The following RPS6KC1 variants were observed in gnomAD, a reference collection of about 807,000 sequenced individuals.
RPS6KC1 encodes ribosomal protein S6 kinase C1.
A neutral mutation model predicts 103.8 loss-of-function variants in RPS6KC1; 54 were observed. The ratio of observed to expected loss-of-function variants is 0.52; its 90% CI spans 0.42 to 0.65. RPS6KC1 has a LOEUF of 0.65. RPS6KC1 is among the 30% of genes least tolerant of loss of function. The pLI, the probability that RPS6KC1 is intolerant of heterozygous loss-of-function variation, is 0.00. For synonymous variants in RPS6KC1, 439 were observed against 438.7 expected, an observed-to-expected ratio of 1.00 and a Z score of -0.01; for missense variants, 1,151 against 1,253.8, an observed-to-expected ratio of 0.92 and a Z score of 1.24.
At chr1:213,210,429 G>A (rs140476544) in intron 8 of RPS6KC1, among the ~76,000 whole-genome samples, 49 of 152,270 alleles carry the variant, frequency 3.2e-4, no homozygotes, top group South Asian at 2.9e-3. Context: ...TACACTTGAA[G>A]CATCAGAGCA....
the RPS6KC1 span, among the ~76,000 whole-genome samples, chr1:213,492,838 C>A: frequency 6.6e-6 from 1 of 152,158 alleles, no homozygotes; most frequent in African/African-American, 2.4e-5. Flanking sequence ...CCTGGGAGAC[C>A]ATTTTGTGTC....
the RPS6KC1 span, among the ~76,000 whole-genome samples, chr1:213,448,225 CAAAAA>C: frequency 2.6e-5 from 2 of 75,818 alleles, no homozygotes; most frequent in Non-Finnish European, 4.7e-5. Context: ...GTGAGACTGT[CAAAAA>C]AAAAAAAAAA....
the RPS6KC1 span, among the ~76,000 whole-genome samples, chr1:213,858,231 A>G: frequency 6.6e-6 from 1 of 152,240 alleles, no homozygotes; most frequent in Non-Finnish European, 1.5e-5. Context: ...CTCCATTGTC[A>G]TAACAACTGT....
chr1:213,623,239 A>G, the RPS6KC1 span, among the ~76,000 whole-genome samples: 1 of 152,348 alleles, frequency 6.6e-6, no homozygotes, highest in Admixed American at 6.5e-5. Flanking sequence ...TTTCAGACAC[A>G]TCAATCAGTC....
chr1:213,765,812 AC>A, the RPS6KC1 span, among the ~76,000 whole-genome samples: 1 of 152,060 alleles, frequency 6.6e-6, no homozygotes, highest in Non-Finnish European at 1.5e-5. Flanking sequence ...CCTATCACCA[AC>A]TTTTAGAAAC....
the RPS6KC1 span, among the ~76,000 whole-genome samples, chr1:213,450,941 C>T: frequency 6.6e-6 from 1 of 152,016 alleles, no homozygotes; most frequent in Non-Finnish European, 1.5e-5. Flanking sequence ...TGCCATTGCA[C>T]TCCAGCCTGG....
chr1:213,412,623 G>A, the RPS6KC1 span, among the ~76,000 whole-genome samples: 3 of 152,230 alleles, frequency 2.0e-5, no homozygotes, highest in Non-Finnish European at 4.4e-5. Context: ...TGTAGTCTTG[G>A]CCAGTTTGAT....
At chr1:213,568,730 T>G in the RPS6KC1 span, among the ~76,000 whole-genome samples, 4 of 152,202 alleles carry the variant, frequency 2.6e-5, no homozygotes, top group Non-Finnish European at 5.9e-5. Flanking sequence ...TGTTACATGT[T>G]AGCAAATAAT....
chr1:213,542,902 T>A, the RPS6KC1 span, among the ~76,000 whole-genome samples: 1 of 152,004 alleles, frequency 6.6e-6, no homozygotes, highest in Admixed American at 6.6e-5. Context: ...AAATTTCAGG[T>A]GAGGAGAGGG....
the RPS6KC1 span, among the ~76,000 whole-genome samples, chr1:213,657,907 C>A: frequency 1.3e-5 from 2 of 152,144 alleles, no homozygotes; most frequent in African/African-American, 2.4e-5. Flanking sequence ...TTTTCTATGG[C>A]CCTGCCTTGG....
chr1:213,080,434 C>T (rs1032170231), intron 3 of RPS6KC1, among the ~76,000 whole-genome samples: 22 of 152,294 alleles, frequency 1.4e-4, no homozygotes, highest in Middle Eastern at 3.4e-3. Flanking sequence ...CAGCTCTCTT[C>T]ACCACTTAAC....
chr1:213,405,362 T>C, the RPS6KC1 span, among the ~76,000 whole-genome samples: 3 of 152,164 alleles, frequency 2.0e-5, no homozygotes, highest in Non-Finnish European at 2.9e-5. Flanking sequence ...GCCGCTGCCA[T>C]TGGAGAGAAG....
At chr1:213,377,054 A>G in the RPS6KC1 span, among the ~76,000 whole-genome samples, 1 of 152,290 alleles carries the variant, frequency 6.6e-6, no homozygotes, top group South Asian at 2.1e-4. Flanking sequence ...CTGGGAAGGT[A>G]AGTCTGGGAA....
chr1:213,673,534 T>C, the RPS6KC1 span, among the ~76,000 whole-genome samples: 2 of 152,184 alleles, frequency 1.3e-5, no homozygotes, highest in Admixed American at 1.3e-4. Flanking sequence ...GAGCATGAAA[T>C]AAGTGTTCCC....
the RPS6KC1 span, among the ~76,000 whole-genome samples, chr1:213,827,169 T>C: frequency 3.3e-5 from 5 of 152,144 alleles, no homozygotes; most frequent in Non-Finnish European, 7.4e-5. Flanking sequence ...ATAGTTTTTC[T>C]TAGACTCCCA....
chr1:213,324,359 A>G, the RPS6KC1 span, among the ~76,000 whole-genome samples: 1 of 152,196 alleles, frequency 6.6e-6, no homozygotes, highest in African/African-American at 2.4e-5. Context: ...AATTCTTACC[A>G]TATCTTATTG....
At chr1:213,242,491 A>C in intron 11 of RPS6KC1, 78 bp from the exon 12 acceptor site, 4 of 1,227,620 alleles carry the variant, frequency 3.3e-6, no homozygotes, top group South Asian at 1.3e-5. Context: ...TTTAGCTACA[A>C]AAGGAGTAAT....
At chr1:213,199,566 A>G (rs1272717143) in intron 8 of RPS6KC1, among the ~76,000 whole-genome samples, 2 of 152,204 alleles carry the variant, frequency 1.3e-5, no homozygotes, top group Non-Finnish European at 2.9e-5. Context: ...AGCTGGAAGC[A>G]TTTCCCTTGA....
chr1:213,629,478 T>G, the RPS6KC1 span, among the ~76,000 whole-genome samples: 1 of 152,232 alleles, frequency 6.6e-6, no homozygotes, highest in Non-Finnish European at 1.5e-5. Flanking sequence ...TATGTGTGTT[T>G]CCGCATGTGA....
Sources: gnomAD v4.1 joint callset for allele counts (sites outside exome capture counted in the v4.1 genomes callset) on GRCh38, gnomAD v4.1.1 for gene constraint, MANE v1.5 for transcripts, NCBI Gene and HGNC (gene_info 2026-07-23, HGNC 2026-07-21) for gene names.